Variants in SLAMF6 observed in about 807,000 individuals in gnomAD.
SLAMF6 encodes SLAM family member 6, also known as NK-T-B-antigen.
In SLAMF6, 21 loss-of-function variants were observed where a neutral mutation model predicts 38.3. That is an observed-to-expected ratio of 0.55 (90% confidence interval 0.39 to 0.79). SLAMF6 has a LOEUF of 0.79. Among genes scored for constraint, SLAMF6 ranks in the 30% least tolerant of loss-of-function variants. SLAMF6 has a pLI of 0.00. For synonymous variants in SLAMF6, 152 were observed against 146.3 expected (o/e 1.04, Z -0.28); for missense variants, 341 against 385.3 (o/e 0.89, Z 0.96).
chr1:160,502,605 A>T (rs780918515), intron 1 of SLAMF6, among the ~76,000 whole-genome samples: 1 of 152,220 alleles, frequency 6.6e-6, no homozygotes, highest in Non-Finnish European at 1.5e-5. Flanking sequence ...TTAGTTTGGA[A>T]GGTATTAAAA....
intron 2 of SLAMF6, among the ~76,000 whole-genome samples, chr1:160,492,350 T>C (rs1030605849): frequency 7.2e-5 from 11 of 152,178 alleles, no homozygotes; most frequent in African/African-American, 2.4e-4. Context: ...AGAGTATTCA[T>C]GTATGGGAAA....
rs1327560884 is a variant in SLAMF6 at position 160,495,971 on chromosome 1, A to G, written c.382+90T>C. 3 of 1,179,982 alleles carry G rather than the reference A, an allele frequency of 2.5e-6. No homozygotes were observed. In the African/African-American group the frequency reaches 4.6e-5, roughly 18 times the overall value. The allele number at this position is 1,179,982 out of a possible 1,614,324, so 73.1% of individuals were successfully genotyped here. On this transcript the variant is annotated intron_variant, in intron 2 of 7. Transcript: ENST00000368057. ...TCCAAATGCCATATTCTTTACCACT[A>G]GGCGACAGTGCACATTTGAAGTCAC...
intron 5 of SLAMF6, among the ~76,000 whole-genome samples, chr1:160,489,391 G>A (rs1222285559): frequency 6.6e-6 from 1 of 152,146 alleles, no homozygotes; most frequent in Non-Finnish European, 1.5e-5. Context: ...AGAAGGTGGT[G>A]TTGAGGTCCC....
chr1:160,509,570 G>C (rs374179098), intron 1 of SLAMF6, among the ~76,000 whole-genome samples: 1 of 152,208 alleles, frequency 6.6e-6, no homozygotes, highest in African/African-American at 2.4e-5. Context: ...GAGTTGATGG[G>C]TGCAGCAAAC....
At chr1:160,509,628 A>G (rs1376324041) in intron 1 of SLAMF6, among the ~76,000 whole-genome samples, 1 of 152,200 alleles carries the variant, frequency 6.6e-6, no homozygotes, top group Non-Finnish European at 1.5e-5. Flanking sequence ...CGATGTGCAC[A>G]TGTACCCTAG....
chr1:160,493,856 G>A (rs1653428291), intron 2 of SLAMF6, among the ~76,000 whole-genome samples: 1 of 152,074 alleles, frequency 6.6e-6, no homozygotes, highest in South Asian at 2.1e-4. Context: ...GGCAGCAGGA[G>A]AGAGAGAGAA....
intron 1 of SLAMF6, among the ~76,000 whole-genome samples, chr1:160,512,367 T>C (rs546563930): frequency 1.1e-4 from 17 of 152,280 alleles, no homozygotes; most frequent in South Asian, 2.1e-4. Flanking sequence ...CTCCCTGGGA[T>C]TGAGTCCCTG....
At chr1:160,500,568 G>A (rs1465373153) in intron 1 of SLAMF6, among the ~76,000 whole-genome samples, 1 of 151,850 alleles carries the variant, frequency 6.6e-6, no homozygotes, top group Non-Finnish European at 1.5e-5. Flanking sequence ...ACATCCAGCT[G>A]CCTTTGGATT....
chr1:160,513,471 T>G (rs1443541753), intron 1 of SLAMF6, among the ~76,000 whole-genome samples: 2 of 152,134 alleles, frequency 1.3e-5, no homozygotes, highest in African/African-American at 2.4e-5. Flanking sequence ...TTCCCCAACC[T>G]AGCAAGACAG....
In SLAMF6 at chr1:160,485,787, T is replaced by C. The variant is rs1652932329; in HGVS notation, c.*920A>G. ...GTAGGATTCAGGTTAGAGGTGGTGA[T>C]GGTTGGATACAGGATGGTGGTCAAG... is the stretch of plus-strand genomic sequence containing the variant. On this transcript the variant is annotated 3_prime_UTR_variant, in exon 8 of 8. Coordinates refer to ENST00000368057, the MANE Select transcript of SLAMF6 (RefSeq NM_001184714.2). The C allele has an allele frequency of 6.5e-6, 1 of 152,772 alleles. No individual in the cohort carries two copies. Among genetic ancestry groups the C allele is most frequent in the Admixed American group, 6.5e-5 (1 of 15,286 alleles). The allele number at this position is 152,772 out of a possible 1,614,324, so 9.5% of individuals were successfully genotyped here. A position where few individuals can be genotyped will look rare whatever the true frequency, so the allele number is the denominator to read the frequency against.
intron 1 of SLAMF6, among the ~76,000 whole-genome samples, chr1:160,510,753 A>G (rs1418096895): frequency 1.3e-5 from 2 of 152,202 alleles, no homozygotes; most frequent in Non-Finnish European, 2.9e-5. Context: ...TAGGCAAGAA[A>G]AATAAATAAA....
At chr1:160,489,301 C>T (rs1382971597) in intron 5 of SLAMF6, 131 bp from the exon 6 acceptor site, 1 of 811,368 alleles carries the variant, frequency 1.2e-6, no homozygotes, top group African/African-American at 1.7e-5. Flanking sequence ...CCTGAGGGAT[C>T]ATTCGTTCTT....
At chr1:160,496,496 T>A in intron 1 of SLAMF6, 103 bp from the exon 2 acceptor site, 1 of 1,104,758 alleles carries the variant, frequency 9.1e-7, no homozygotes, top group Non-Finnish European at 1.3e-6. Context: ...AGCTCTCTGA[T>A]ACCAAAACTC....
intron 2 of SLAMF6, among the ~76,000 whole-genome samples, chr1:160,495,624 G>A (rs1557937646): frequency 6.6e-6 from 1 of 152,210 alleles, no homozygotes; most frequent in African/African-American, 2.4e-5. Flanking sequence ...TGTCGTGGCA[G>A]GTAGTTATGT....
intron 1 of SLAMF6, 78 bp from the exon 2 acceptor site, chr1:160,496,471 C>T (rs1653588193): frequency 2.8e-6 from 4 of 1,416,730 alleles, no homozygotes; most frequent in South Asian, 2.6e-5. Context: ...TCACCTAACG[C>T]TGCCAGTCTG....
At position 160,491,072 on chromosome 1, in the gene SLAMF6, C is replaced by T. The variant is rs766180433; in HGVS notation, c.646+53G>A. ...TTGGAAATTACGTAGGATGTGAGGA[C>T]GCGTTAAACCCCATAGCTGCTCAAG... On this transcript the variant is annotated intron_variant, in intron 3 of 7. Transcript: ENST00000368057. 29 of 1,595,670 alleles carry T rather than the reference C, an allele frequency of 1.8e-5. 1 individual carries two copies. Among genetic ancestry groups the T allele is most frequent in the African/African-American group, 5.4e-5 (4 of 74,402 alleles).
rs899965141 is a variant in SLAMF6, at chr1:160,488,945, G to A, written c.879+143C>T. The A allele has an allele frequency of 2.0e-4, 144 of 706,918 alleles. 1 individual carries two copies. The highest frequency in any genetic ancestry group is 1.4e-3 in the South Asian group (86 of 59,794). 43.8% of individuals were successfully genotyped at this position (706,918 alleles called of 1,614,324 possible). A position where few individuals can be genotyped will look rare whatever the true frequency, so the allele number is the denominator to read the frequency against. Reference sequence around the variant, plus strand: ...AAGGCAGACACCAGAGTGGTCTAGCGCATAACTTTGCAGCCCCTGTCGCTG... The same window carrying A: ...AAGGCAGACACCAGAGTGGTCTAGCACATAACTTTGCAGCCCCTGTCGCTG... On this transcript the variant is annotated intron_variant, in intron 6 of 7. Coordinates refer to ENST00000368057, the MANE Select transcript of SLAMF6 (RefSeq NM_001184714.2).
chr1:160,519,556 A>T (rs1654893359), intron 1 of SLAMF6, among the ~76,000 whole-genome samples: 1 of 152,242 alleles, frequency 6.6e-6, no homozygotes, highest in African/African-American at 2.4e-5. Flanking sequence ...GTGTCCACTG[A>T]TAGATAAATG....
intron 2 of SLAMF6, among the ~76,000 whole-genome samples, chr1:160,493,792 A>G (rs535010620): frequency 6.6e-6 from 1 of 152,186 alleles, no homozygotes; most frequent in Non-Finnish European, 1.5e-5. Context: ...GGGAGGCCTC[A>G]GGAAACTTAC....
Sources: gnomAD v4.1 joint callset for allele counts (sites outside exome capture counted in the v4.1 genomes callset) on GRCh38, gnomAD v4.1.1 for gene constraint, MANE v1.5 for transcripts, NCBI Gene and HGNC (gene_info 2026-07-23, HGNC 2026-07-21) for gene names.